NKTR: variants seen among roughly 807,000 people sequenced by gnomAD.
NKTR encodes the protein natural killer cell triggering receptor.
In NKTR, 67 loss-of-function variants were observed where a neutral mutation model predicts 156.3. That is an observed-to-expected ratio of 0.43 (90% CI 0.35 to 0.53). The LOEUF (loss-of-function observed/expected upper bound fraction) is 0.53. Ranked by LOEUF, NKTR falls within the 20% of genes least tolerant of loss-of-function variation. The probability of loss-of-function intolerance (pLI) is 0.01; values close to 1 mark genes in which losing one functional copy is unlikely to be tolerated. For missense variants in NKTR, 1,604 were observed against 1,730.9 expected (o/e 0.93, Z 1.30); for synonymous variants, 640 against 596.6 (o/e 1.07, Z -1.06).
chr3:42,638,777 GA>G lies in NKTR; in HGVS notation c.3074del (p.Glu1025GlyfsTer27). Reference protein sequence around the residue: ...HWQPPLEFGEEEEEEIDDKQV... With the variant: ...HWQPPLEFGEXEEEEIDDKQV... Reference sequence around the variant, plus strand: ...GCAGCCTCCACTAGAATTTGGTGAAGAGGAGGAGGAGGAGATTGATGACAAG... The same window carrying G: ...GCAGCCTCCACTAGAATTTGGTGAAGGGAGGAGGAGGAGATTGATGACAAG... On this transcript the variant is annotated frameshift_variant, in exon 13 of 17. Coordinates refer to ENST00000232978, the MANE Select transcript of NKTR (RefSeq NM_005385.4). LOFTEE classifies it high-confidence loss of function. 1 of 1,610,434 alleles carries G rather than the reference GA, an allele frequency of 6.2e-7. No homozygotes were observed. The highest frequency in any genetic ancestry group is 8.5e-7 in the Non-Finnish European group (1 of 1,177,594).
chr3:42,639,316 T>A lies in NKTR; in HGVS notation c.3612T>A (p.Ala1204=), dbSNP rs749590603. The change falls in exon 13 of 17, where the codon GCT becomes GCA. Residue 1204 remains alanine (A), a synonymous_variant. Coordinates refer to ENST00000232978, the MANE Select transcript of NKTR (RefSeq NM_005385.4). ...QDSSSASLAS[A]GESTGKKEVA... ...GCAGCTCTGCTAGCTTGGCTAGTGCTGGAGAAAGTACCGGGAAGAAGGAGG... is the reference window on the plus strand; with the variant it reads ...GCAGCTCTGCTAGCTTGGCTAGTGCAGGAGAAAGTACCGGGAAGAAGGAGG... The A allele has an allele frequency of 6.2e-7, 1 of 1,614,146 alleles. No individual in the cohort carries two copies. Among genetic ancestry groups the A allele is most frequent in the Non-Finnish European group, 8.5e-7 (1 of 1,180,016 alleles).
At chr3:42,612,577 A>C (rs1002182331) in intron 2 of NKTR, among the ~76,000 whole-genome samples, 1 of 152,218 alleles carries the variant, frequency 6.6e-6, no homozygotes, top group African/African-American at 2.4e-5. Flanking sequence ...TAATATATTC[A>C]GTGCCCAATG....
chr3:42,630,632 G>T lies in NKTR; in HGVS notation c.404+57G>T, dbSNP rs369638040. The T allele has an allele frequency of 1.9e-5, 30 of 1,611,268 alleles. No individual in the cohort carries two copies. In the African/African-American group the frequency reaches 3.9e-4, roughly 21 times the overall value. On this transcript the variant is annotated intron_variant, in intron 7 of 16. Coordinates refer to ENST00000232978, the MANE Select transcript of NKTR (RefSeq NM_005385.4). ...GTGTTTGGGTGGCCAGCCATAAAGA[G>T]AGATTGGACCATGGTTGAGCCCTCA...
At chr3:42,608,057 T>G (rs1706410756) in intron 2 of NKTR, among the ~76,000 whole-genome samples, 1 of 133,510 alleles carries the variant, frequency 7.5e-6, no homozygotes, top group Admixed American at 8.6e-5. Context: ...TGGCGCGATC[T>G]CAGCTCACTG....
rs1708681119 is a variant in NKTR at position 42,629,254 on chromosome 3, A to G, written c.375-1292A>G. On this transcript the variant is annotated intron_variant, in intron 6 of 16. Transcript: ENST00000232978. ...TTTGCTGCCTGTTTTTATTTTTATA[A>G]TTACATTGGCATGAATTTCCACTTT... The G allele has an allele frequency of 5.1e-6, 5 of 977,808 alleles. No homozygotes were observed. In the Admixed American group the frequency reaches 1.8e-4, roughly 36 times the overall value. The allele number at this position is 977,808 out of a possible 1,614,324, so 60.6% of individuals were successfully genotyped here. A position where few individuals can be genotyped will look rare whatever the true frequency, so the allele number is the denominator to read the frequency against.
intron 5 of NKTR, 146 bp downstream of exon 5, chr3:42,619,854 T>A: frequency 1.4e-6 from 2 of 1,447,636 alleles, no homozygotes; most frequent in South Asian, 3.0e-5. Flanking sequence ...TTGCATGAAT[T>A]TGGGGATAAA....
intron 2 of NKTR, among the ~76,000 whole-genome samples, chr3:42,606,051 C>T (rs905465369): frequency 6.6e-6 from 1 of 152,008 alleles, no homozygotes; most frequent in Non-Finnish European, 1.5e-5. Context: ...TGCTCTGAGT[C>T]ATTCTTGTTT....
At chr3:42,643,292 C>G (rs771087587) in intron 14 of NKTR, 47 bp from the exon 15 acceptor site, 2 of 1,522,382 alleles carry the variant, frequency 1.3e-6, no homozygotes, top group South Asian at 2.3e-5. Context: ...TATAGCCTGT[C>G]CTGCCCTGAT....
intron 14 of NKTR, 123 bp from the exon 15 acceptor site, chr3:42,643,216 C>A (rs1710045687): frequency 2.8e-6 from 2 of 718,048 alleles, no homozygotes; most frequent in South Asian, 2.1e-5. Context: ...GAAAACAAAA[C>A]AAATGTAGCT....
rs1302455625 is a variant in NKTR, at chr3:42,646,883, A to G, written c.*908A>G. On this transcript the variant is annotated 3_prime_UTR_variant, in exon 17 of 17. Coordinates refer to ENST00000232978, the MANE Select transcript of NKTR (RefSeq NM_005385.4). ...TTTGGGGGGCTTCTCTCAAGTACAG[A>G]TGTGGGTTGGGGTCCCCTGGAGCAG... 2 of 152,370 alleles carry G rather than the reference A, an allele frequency of 1.3e-5. No individual in the cohort carries two copies. The highest frequency in any genetic ancestry group is 2.9e-5 in the Non-Finnish European group (2 of 68,052). The allele number at this position is 152,370 out of a possible 1,614,324, so 9.4% of individuals were successfully genotyped here. A position where few individuals can be genotyped will look rare whatever the true frequency, so the allele number is the denominator to read the frequency against.
At chr3:42,602,421 CA>C (rs1705595536) in intron 2 of NKTR, 1 of 152,250 alleles carries the variant, frequency 6.6e-6, no homozygotes, top group South Asian at 2.1e-4. Context: ...GGTTATTAAA[CA>C]ATGGAGGACT....
chr3:42,604,419 T>C (rs1231422685), intron 2 of NKTR, among the ~76,000 whole-genome samples: 1 of 151,980 alleles, frequency 6.6e-6, no homozygotes, highest in Non-Finnish European at 1.5e-5. Context: ...TTTAATTTAA[T>C]TCCATTATGG....
intron 2 of NKTR, among the ~76,000 whole-genome samples, chr3:42,610,247 G>A (rs1052866529): frequency 7.9e-5 from 12 of 151,956 alleles, no homozygotes; most frequent in South Asian, 6.2e-4. Flanking sequence ...CAGGTGATCC[G>A]CGCCCCCCAC....
chr3:42,630,446 T>C (rs777192826), intron 6 of NKTR, 100 bp from the exon 7 acceptor site: 57 of 1,580,438 alleles, frequency 3.6e-5, no homozygotes, highest in Non-Finnish European at 4.8e-5. Context: ...TTTTTATCTT[T>C]ACTTCTTTGT....
intron 2 of NKTR, among the ~76,000 whole-genome samples, chr3:42,607,552 CAAATG>C: frequency 6.6e-6 from 1 of 151,000 alleles, no homozygotes; most frequent in Admixed American, 6.6e-5. Flanking sequence ...AAGAGGCCAA[CAAATG>C]AAAACCAAAT....
intron 6 of NKTR, chr3:42,628,138 C>A (rs1186859587): frequency 1.0e-6 from 1 of 983,266 alleles, no homozygotes. Context: ...TTTTAGTATT[C>A]TTAATATGTA....
chr3:42,642,117 T>C (rs1379127160), intron 13 of NKTR, among the ~76,000 whole-genome samples: 2 of 152,238 alleles, frequency 1.3e-5, no homozygotes, highest in Non-Finnish European at 2.9e-5. Context: ...TCTAGAGATA[T>C]ATCCTTGCTG....
intron 2 of NKTR, chr3:42,601,937 A>G (rs1055760598): frequency 2.0e-5 from 3 of 152,232 alleles, no homozygotes; most frequent in African/African-American, 2.4e-5. Flanking sequence ...GAAGACGGAC[A>G]ACTAGGAAAA....
chr3:42,633,409 G>A (rs1245828317), intron 9 of NKTR, 171 bp from the exon 10 acceptor site: 1 of 1,371,574 alleles, frequency 7.3e-7, no homozygotes, highest in Non-Finnish European at 9.4e-7. Flanking sequence ...TCTAGTCTTT[G>A]GGTTTTTCAC....
Sources: gnomAD v4.1 joint callset for allele counts (sites outside exome capture counted in the v4.1 genomes callset) on GRCh38, gnomAD v4.1.1 for gene constraint, MANE v1.5 for transcripts, NCBI Gene and HGNC (gene_info 2026-07-23, HGNC 2026-07-21) for gene names.